The following USP53 variants were observed in gnomAD, a reference collection of about 807,000 sequenced individuals.
USP53 encodes ubiquitin carboxyl-terminal hydrolase 53.
Under a neutral mutation model 94.9 loss-of-function variants are expected in USP53, and 71 were observed. The ratio of observed to expected loss-of-function variants is 0.75; its 90% CI spans 0.62 to 0.91. The LOEUF (loss-of-function observed/expected upper bound fraction) is 0.91, where lower values mean the gene tolerates loss of function less well. Ranked by LOEUF, USP53 falls within the 40% of genes least tolerant of loss-of-function variation. USP53 has a pLI of 0.00. For missense variants in USP53, 1,173 were observed against 1,281.0 expected (o/e 0.92, Z 1.29); for synonymous variants, 375 against 422.7 (o/e 0.89, Z 1.39).
At chr4:119,281,800 C>CT (rs578243593) in intron 17 of USP53, among the ~76,000 whole-genome samples, 5 of 152,212 alleles carry the variant, frequency 3.3e-5, no homozygotes, top group Non-Finnish European at 5.9e-5. Context: ...CTTAAAAATG[C>CT]TTTTTTGTGG....
chr4:119,294,002 C>G lies in USP53; in HGVS notation c.*791C>G, dbSNP rs1239419413. The G allele has an allele frequency of 6.6e-6, 1 of 152,032 alleles. No individual in the cohort carries two copies. The highest frequency in any genetic ancestry group is 1.5e-5 in the Non-Finnish European group (1 of 67,954). The allele number at this position is 152,032 out of a possible 1,614,324, so 9.4% of individuals were successfully genotyped here. On this transcript the variant is annotated 3_prime_UTR_variant, in exon 19 of 19. Coordinates refer to ENST00000692078, the MANE Select transcript of USP53 (RefSeq NM_001371395.1). ...TGACTATTATAGGTATTCATAAATG[C>G]TACTTTAGCCATGTAAGTTAAAAAG...
intron 4 of USP53, among the ~76,000 whole-genome samples, chr4:119,237,944 C>T (rs903184884): frequency 9.9e-5 from 15 of 152,162 alleles, no homozygotes; most frequent in African/African-American, 3.6e-4. Context: ...TTTTTCTCAG[C>T]TTTCGTAGAA....
chr4:119,234,085 A>G (rs1356267911), intron 3 of USP53, among the ~76,000 whole-genome samples: 1 of 152,114 alleles, frequency 6.6e-6, no homozygotes, highest in South Asian at 2.1e-4. Flanking sequence ...ACTTGTTACC[A>G]TTTCCCAAAC....
intron 3 of USP53, 86 bp from the exon 4 acceptor site, chr4:119,235,204 T>C (rs1437996715): frequency 6.6e-6 from 1 of 152,234 alleles, no homozygotes; most frequent in African/African-American, 2.4e-5. Flanking sequence ...ATTGAACTAA[T>C]CTGTGTCATT....
chr4:119,286,960 GATAA>G, intron 17 of USP53, among the ~76,000 whole-genome samples: 1 of 151,994 alleles, frequency 6.6e-6, no homozygotes, highest in Non-Finnish European at 1.5e-5. Context: ...GAGACTCTGG[GATAA>G]ATTTTACTGC....
intron 18 of USP53, 54 bp from the exon 19 acceptor site, chr4:119,292,284 G>A (rs2149488161): frequency 6.8e-7 from 1 of 1,465,130 alleles, no homozygotes; most frequent in African/African-American, 1.4e-5. Flanking sequence ...TTTTCCCCTA[G>A]TTTCATATAT....
chr4:119,259,882 T>A lies in USP53; in HGVS notation c.632T>A (p.Leu211Ter). ...TTTAAACCTGAAATGTTTGCAGAAT[T>A]GCTACAAGCAGCAAATACAACAGAT... ...ERFKPEMFAE[L>*]LQAANTTDDY... The change falls in exon 10 of 19, where the codon TTG becomes TAG. Residue 211 changes from leucine to a stop codon, truncating the protein, a stop_gained. Coordinates refer to ENST00000692078, the MANE Select transcript of USP53 (RefSeq NM_001371395.1). LOFTEE classifies it high-confidence loss of function. 2.5e-6 allele frequency: 4 copies of A among 1,612,504 alleles called. No homozygotes were observed. Among genetic ancestry groups the A allele is most frequent in the Non-Finnish European group, 3.4e-6 (4 of 1,179,204 alleles).
rs180776258 is a variant in USP53, at chr4:119,261,109, A to G, written c.822+456A>G. ...CTAGTAGCTGGGATTACAGGCATGC[A>G]CCACCATACCCAGCTAATTTTTTGT... On this transcript the variant is annotated intron_variant, in intron 11 of 18. Transcript: ENST00000692078. Among the ~76,000 whole-genome samples, 486 of 151,724 alleles carry G rather than the reference A, an allele frequency of 3.2e-3. 1 individual carries two copies. The highest frequency in any genetic ancestry group is 0.011 in the African/African-American group (455 of 41,364).
chr4:119,256,282 C>T lies in USP53; in HGVS notation c.409C>T (p.Pro137Ser). ...GGAGAGGATTCATTTTCACATAGTG[C>T]CAAGCAGAGATGCAGACATGTGTAC... ...MLERIHFHIV[P>S]SRDADMCTSK... Residue 137 changes from proline to serine, a missense_variant, in exon 8 of 19, where the codon CCA becomes TCA. Physicochemically the swap from Pro to Ser is moderately conservative, Grantham distance 74. Coordinates refer to ENST00000692078, the MANE Select transcript of USP53 (RefSeq NM_001371395.1). The T allele has an allele frequency of 2.3e-5, 37 of 1,613,642 alleles. No homozygotes were observed. The highest frequency in any genetic ancestry group is 3.1e-5 in the Non-Finnish European group (37 of 1,179,872).
rs1338977458 is a variant in USP53 at position 119,239,448 on chromosome 4, TAA to T, written c.-305_-304del. 3 of 329,216 alleles carry T rather than the reference TAA, an allele frequency of 9.1e-6. No homozygotes were observed. Among genetic ancestry groups the T allele is most frequent in the Non-Finnish European group, 1.1e-5 (2 of 183,614 alleles). The allele number at this position is 329,216 out of a possible 1,614,324, so 20.4% of individuals were successfully genotyped here. ...TTCGTTCATCAGTATTTTTAGCCAT[TAA>T]AAAAAATCGTTTTCATATTAACCTT... is the stretch of plus-strand genomic sequence containing the variant. On this transcript the variant is annotated 5_prime_UTR_variant, in exon 5 of 19. The change creates a premature stop within an existing upstream ORF in the 5' untranslated region. Coordinates refer to ENST00000692078, the MANE Select transcript of USP53 (RefSeq NM_001371395.1).
chr4:119,255,571 A>C (rs1749646851), intron 7 of USP53, among the ~76,000 whole-genome samples: 1 of 152,020 alleles, frequency 6.6e-6, no homozygotes, highest in East Asian at 1.9e-4. Context: ...CGGGAGGGGA[A>C]CTCCTGGTCT....
At chr4:119,250,479 T>C (rs1261713886) in intron 7 of USP53, among the ~76,000 whole-genome samples, 5 of 152,256 alleles carry the variant, frequency 3.3e-5, no homozygotes, top group Non-Finnish European at 5.9e-5. Flanking sequence ...AAAATGTCAA[T>C]AATGGCACAC....
intron 3 of USP53, among the ~76,000 whole-genome samples, chr4:119,228,488 A>G (rs1483720171): frequency 1.3e-5 from 2 of 152,230 alleles, no homozygotes; most frequent in African/African-American, 2.4e-5. Flanking sequence ...GCCATATAAC[A>G]TAATGAGATA....
At chr4:119,220,621 T>C (rs1437231830) in intron 3 of USP53, 1 of 152,232 alleles carries the variant, frequency 6.6e-6, no homozygotes, top group Non-Finnish European at 1.5e-5. Flanking sequence ...GAAGTGATTC[T>C]GCCAGTTTTC....
At chr4:119,213,139 G>T (rs923515231) in intron 1 of USP53, 12 of 153,328 alleles carry the variant, frequency 7.8e-5, no homozygotes, top group African/African-American at 2.7e-4. Context: ...GAGGCGGGAG[G>T]AGGTGCTGTA....
At chr4:119,230,537 G>A (rs1487125115) in intron 3 of USP53, among the ~76,000 whole-genome samples, 2 of 152,102 alleles carry the variant, frequency 1.3e-5, no homozygotes, top group Non-Finnish European at 2.9e-5. Context: ...CAGGAAACTT[G>A]TTTATACTGG....
intron 5 of USP53, among the ~76,000 whole-genome samples, chr4:119,243,561 T>C (rs1747830555): frequency 6.6e-6 from 1 of 152,180 alleles, no homozygotes; most frequent in South Asian, 2.1e-4. Flanking sequence ...GATAATTATT[T>C]TGTGATAGCG....
chr4:119,249,612 T>C (rs2149352434), intron 7 of USP53, among the ~76,000 whole-genome samples: 1 of 152,058 alleles, frequency 6.6e-6, no homozygotes, highest in African/African-American at 2.4e-5. Flanking sequence ...CAGTTCAGTA[T>C]ATTTAAGCCT....
At chr4:119,259,297 G>GGT (rs1750179110) in intron 9 of USP53, among the ~76,000 whole-genome samples, 1 of 147,778 alleles carries the variant, frequency 6.8e-6, no homozygotes, top group African/African-American at 2.6e-5. Flanking sequence ...AAAAAAAAAG[G>GGT]GGGGGGAGTA....
Sources: gnomAD v4.1 joint callset for allele counts (sites outside exome capture counted in the v4.1 genomes callset) on GRCh38, gnomAD v4.1.1 for gene constraint, MANE v1.5 for transcripts, NCBI Gene and HGNC (gene_info 2026-07-23, HGNC 2026-07-21) for gene names.